RPRD2: variants seen among roughly 807,000 people sequenced by gnomAD.
RPRD2 encodes regulation of nuclear pre-mRNA domain-containing protein 2.
In RPRD2, 12 loss-of-function variants were observed where a neutral mutation model predicts 104.4. That is an observed-to-expected ratio of 0.11 (90% CI 0.07 to 0.19). The LOEUF is 0.19. Among genes scored for constraint, RPRD2 ranks in the 10% least tolerant of loss-of-function variants. RPRD2 has a pLI of 1.00. For synonymous variants in RPRD2, 714 were observed against 684.9 expected, an observed-to-expected ratio of 1.04 and a Z score of -0.66; for missense variants, 1,543 against 1,790.1, an observed-to-expected ratio of 0.86 and a Z score of 2.49.
At chr1:150,388,499 A>G (rs4572008) in intron 1 of RPRD2, among the ~76,000 whole-genome samples, 2,749 of 72,102 alleles carry the variant, frequency 0.038, 75 homozygotes, top group African/African-American at 0.075. Context: ...ATACCCGCGC[A>G]CACACACACA....
rs376312509 is a variant in RPRD2, at chr1:150,460,259, G to A, written c.1353G>A (p.Val451=). ...PALALPNLAN[V]DLAKISSILS... Reference sequence around the variant, plus strand: ...TGGCTTTGCCAAACCTGGCTAATGTGGATCTGGCAAAGATCAGTTCCATCC... The same window carrying A: ...TGGCTTTGCCAAACCTGGCTAATGTAGATCTGGCAAAGATCAGTTCCATCC... The change falls in exon 9 of 11, where the codon GTG becomes GTA. Residue 451 remains valine (V), a synonymous_variant. Coordinates refer to ENST00000369068, the MANE Select transcript of RPRD2 (RefSeq NM_015203.5). 6.2e-7 allele frequency: 1 copy of A among 1,613,144 alleles called. No individual in the cohort carries two copies. The highest frequency in any genetic ancestry group is 1.3e-5 in the African/African-American group (1 of 74,910).
chr1:150,413,547 A>G (rs698920), intron 1 of RPRD2, among the ~76,000 whole-genome samples: 90,924 of 149,708 alleles, frequency 0.61, 27,733 homozygotes, highest in African/African-American at 0.66. Flanking sequence ...AGGTTGCGGT[A>G]AGCTGAGATC....
intron 7 of RPRD2, among the ~76,000 whole-genome samples, chr1:150,455,629 T>TAAAA (rs59418711): frequency 0.085 from 11,974 of 141,042 alleles, 596 homozygotes; most frequent in African/African-American, 0.11. Flanking sequence ...GGACATTAGG[T>TAAAA]AAAAAAAAAA....
chr1:150,448,149 A>G (rs56214117), intron 7 of RPRD2, among the ~76,000 whole-genome samples: 13,075 of 152,060 alleles, frequency 0.086, 684 homozygotes, highest in African/African-American at 0.11. Flanking sequence ...AGCTTCAATC[A>G]ACTATATTTA....
chr1:150,458,622 G>T (rs1227763694), intron 8 of RPRD2, among the ~76,000 whole-genome samples: 1 of 152,266 alleles, frequency 6.6e-6, no homozygotes, highest in East Asian at 1.9e-4. Flanking sequence ...TAAATTACAT[G>T]TGTCTGTTTC....
intron 1 of RPRD2, among the ~76,000 whole-genome samples, chr1:150,391,246 A>G (rs1434266911): frequency 6.6e-6 from 1 of 152,208 alleles, no homozygotes; most frequent in African/African-American, 2.4e-5. Context: ...CAAGGGCAAA[A>G]TAAAGACATT....
At chr1:150,372,314 A>T (rs1354404064) in intron 1 of RPRD2, among the ~76,000 whole-genome samples, 2 of 152,062 alleles carry the variant, frequency 1.3e-5, no homozygotes, top group Non-Finnish European at 2.9e-5. Flanking sequence ...AATGAACAAA[A>T]TTTTTTGCCT....
chr1:150,464,688 C>T lies in RPRD2; in HGVS notation c.1573C>T (p.Leu525Phe). 4 of 1,613,024 alleles carry T rather than the reference C, an allele frequency of 2.5e-6. No individual in the cohort carries two copies. Among genetic ancestry groups the T allele is most frequent in the South Asian group, 1.1e-5 (1 of 90,934 alleles). Reference sequence around the variant, plus strand: ...CACCCCAGAGAGCATTCTGTCTGCACTTTCCAAAACCCAGACACAGTCAGC... The same window carrying T: ...CACCCCAGAGAGCATTCTGTCTGCATTTTCCAAAACCCAGACACAGTCAGC... The part of the protein sequence containing the change: ...EITPESILSA[L>F]SKTQTQSAPA... The change falls in exon 10 of 11, where the codon CTT becomes TTT. Residue 525 changes from leucine to phenylalanine, a missense_variant. Leu to Phe is a conservative substitution (Grantham distance 22). Transcript: ENST00000369068.
intron 1 of RPRD2, among the ~76,000 whole-genome samples, chr1:150,384,618 C>T (rs912229034): frequency 4.0e-5 from 6 of 149,388 alleles, no homozygotes; most frequent in African/African-American, 1.5e-4. Flanking sequence ...TTACAGGCGC[C>T]TGCCACCACG....
chr1:150,378,833 C>G (rs1553880127), intron 1 of RPRD2, among the ~76,000 whole-genome samples: 1 of 150,782 alleles, frequency 6.6e-6, no homozygotes, highest in Non-Finnish European at 1.5e-5. Context: ...AAATACAAAA[C>G]TTAGCCAGGC....
At chr1:150,452,909 A>G (rs1471299312) in intron 7 of RPRD2, among the ~76,000 whole-genome samples, 2 of 151,790 alleles carry the variant, frequency 1.3e-5, no homozygotes, top group Non-Finnish European at 2.9e-5. Flanking sequence ...ACCTCAGGTG[A>G]TCCGCCTGCC....
At position 150,472,931 on chromosome 1, in the gene RPRD2, A is replaced by G. The variant is rs1009600593; in HGVS notation, c.3983A>G (p.His1328Arg). The G allele has an allele frequency of 1.2e-6, 2 of 1,613,582 alleles. No homozygotes were observed. The highest frequency in any genetic ancestry group is 1.7e-6 in the Non-Finnish European group (2 of 1,179,672). The change falls in exon 11 of 11, where the codon CAT (histidine) becomes CGT (arginine). Residue 1328 changes from histidine to arginine, a missense_variant. Coordinates refer to ENST00000369068, the MANE Select transcript of RPRD2 (RefSeq NM_015203.5). ...GCTGTGGCAGTATTTCCCAAGGACCATAGTTCCCTCCTTCAAGGGACCCTG... is the reference window on the plus strand; with the variant it reads ...GCTGTGGCAGTATTTCCCAAGGACCGTAGTTCCCTCCTTCAAGGGACCCTG... ...AGAVAVFPKD[H>R]SSLLQGTLAE...
At chr1:150,442,461 C>T (rs1276078391) in intron 4 of RPRD2, among the ~76,000 whole-genome samples, 1 of 152,028 alleles carries the variant, frequency 6.6e-6, no homozygotes, top group Non-Finnish European at 1.5e-5. Flanking sequence ...TTATATTTAT[C>T]GTATTTACCC....
chr1:150,396,715 CA>C, intron 1 of RPRD2, among the ~76,000 whole-genome samples: 1 of 151,998 alleles, frequency 6.6e-6, no homozygotes, highest in South Asian at 2.1e-4. Flanking sequence ...CATATGGAAC[CA>C]AAAAAGACCC....
rs1264646010 is a variant in RPRD2, at chr1:150,472,298, G to T, written c.3350G>T (p.Arg1117Ile). The T allele has an allele frequency of 6.2e-7, 1 of 1,614,008 alleles. No homozygotes were observed. Among genetic ancestry groups the T allele is most frequent in the Admixed American group, 1.7e-5 (1 of 60,012 alleles). The part of the protein sequence containing the change: ...ESIRVPGKGN[R>I]GHGREASRVG... ...ATCCGAGTTCCTGGGAAGGGAAATA[G>T]AGGACATGGGCGTGAGGCTTCAAGG... Residue 1117 changes from arginine to isoleucine, a missense_variant, in exon 11 of 11, where the codon AGA (arginine) becomes ATA (isoleucine). By Grantham distance (97) the Arg-to-Ile change is moderately conservative. Around this residue, in one of 4 missense-constraint regions of RPRD2, gnomAD observed 880 missense variants for 885.6 expected, o/e 0.99. Coordinates refer to ENST00000369068, the MANE Select transcript of RPRD2 (RefSeq NM_015203.5).
rs1043028792 is a variant in RPRD2 at position 150,376,743 on chromosome 1, G to T, written c.205+11824G>T. ...TCTCGATCTCCTGACCTCGTGATCCGCCCGCCTTGGCCTCCCAAAGTGCTG... is the reference window on the plus strand; with the variant it reads ...TCTCGATCTCCTGACCTCGTGATCCTCCCGCCTTGGCCTCCCAAAGTGCTG... On this transcript the variant is annotated intron_variant, in intron 1 of 10. Coordinates refer to ENST00000369068, the MANE Select transcript of RPRD2 (RefSeq NM_015203.5). Among the ~76,000 whole-genome samples the T allele has an allele frequency of 1.9e-4, 29 of 151,180 alleles. No individual in the cohort carries two copies. The East Asian group carries it at 5.5e-3, about 29-fold the overall frequency.
chr1:150,419,383 G>A (rs1173160210), intron 2 of RPRD2, among the ~76,000 whole-genome samples: 1 of 152,110 alleles, frequency 6.6e-6, no homozygotes, highest in Non-Finnish European at 1.5e-5. Flanking sequence ...GGAATATATT[G>A]AAAATAAGAA....
intron 1 of RPRD2, among the ~76,000 whole-genome samples, chr1:150,366,411 A>G (rs1659845815): frequency 6.6e-6 from 1 of 152,266 alleles, no homozygotes. Flanking sequence ...CAGAGAAATT[A>G]GTAGATACCG....
At position 150,460,070 on chromosome 1, in the gene RPRD2, G is replaced by A. The variant is rs1170857847; in HGVS notation, c.1164G>A (p.Arg388=). Residue 388 remains arginine (R), a synonymous_variant, in exon 9 of 11, where the codon AGG becomes AGA. Coordinates refer to ENST00000369068, the MANE Select transcript of RPRD2 (RefSeq NM_015203.5). ...TCTTTGTTGAAACAGTCGAGGACAG[G>A]AAGGAAAAACCTGCAGAGAAGTCAG... is the stretch of plus-strand genomic sequence containing the variant. ...DDGSKIIVED[R]KEKPAEKSAV... is the part of the protein sequence containing the mutation. 6.2e-7 allele frequency: 1 copy of A among 1,613,736 alleles called. No homozygotes were observed. The highest frequency in any genetic ancestry group is 8.5e-7 in the Non-Finnish European group (1 of 1,179,808).
Sources: gnomAD v4.1 joint callset for allele counts (sites outside exome capture counted in the v4.1 genomes callset) on GRCh38, gnomAD v4.1.1 for gene constraint, gnomAD v4.1.1 regional missense constraint, MANE v1.5 for transcripts, NCBI Gene and HGNC (gene_info 2026-07-23, HGNC 2026-07-21) for gene names.